Variants in TJP1 observed in about 807,000 individuals in gnomAD.
TJP1 encodes tight junction protein 1.
A neutral mutation model predicts 194.2 loss-of-function variants in TJP1; 43 were observed. The observed-to-expected ratio is 0.22, with a 90% CI of 0.17 to 0.29. The LOEUF (loss-of-function observed/expected upper bound fraction) is 0.29, where lower values mean the gene tolerates loss of function less well. Among genes scored for constraint, TJP1 ranks in the 10% least tolerant of loss-of-function variants. TJP1 has a pLI of 1.00. For synonymous variants in TJP1, 801 were observed against 779.0 expected, an observed-to-expected ratio of 1.03 and a Z score of -0.47; for missense variants, 1,971 against 2,185.7, an observed-to-expected ratio of 0.90 and a Z score of 1.96.
chr15:29,705,061 A>T (rs1364570964), intron 26 of TJP1, among the ~76,000 whole-genome samples: 2 of 152,058 alleles, frequency 1.3e-5, no homozygotes, highest in East Asian at 3.9e-4. Flanking sequence ...CTCCTCTGAG[A>T]CTCCTTCATG....
At chr15:29,748,787 G>A (rs1338382684) in intron 8 of TJP1, among the ~76,000 whole-genome samples, 4 of 151,762 alleles carry the variant, frequency 2.6e-5, no homozygotes, top group Non-Finnish European at 4.4e-5. Context: ...TTGCCCAGGC[G>A]AGTCTCGAAC....
chr15:29,804,583 G>A (rs2048999535), intron 1 of TJP1, among the ~76,000 whole-genome samples: 1 of 152,130 alleles, frequency 6.6e-6, no homozygotes, highest in Non-Finnish European at 1.5e-5. Flanking sequence ...GGAAAACCAG[G>A]TAGGAGGAGT....
intron 15 of TJP1, chr15:29,728,436 G>A (rs2043382143): frequency 6.0e-6 from 1 of 166,748 alleles, no homozygotes; most frequent in African/African-American, 2.4e-5. Context: ...ACTGGCTTAA[G>A]AGGTCAATAC....
At position 29,718,354 on chromosome 15, in the gene TJP1, G is replaced by A; in HGVS notation, c.3788C>T (p.Ser1263Phe). Residue 1263 changes from serine to phenylalanine, a missense_variant, in exon 21 of 28, where the codon TCT becomes TTT. This residue lies in a region of TJP1 where 1,108 missense variants were observed against 1,128.5 expected (regional missense o/e 0.98). Coordinates refer to ENST00000614355, the MANE Select transcript of TJP1 (RefSeq NM_001330239.4). ...EEEDPAMKPQ[S>F]VLTRVKMFEN... ...AAACATCTTAACTCTGGTGAGTACA[G>A]ACTGTGGCTTCATTGCTGGATCTTC... 2.5e-6 allele frequency: 4 copies of A among 1,614,132 alleles called. No homozygotes were observed. Among genetic ancestry groups the A allele is most frequent in the Non-Finnish European group, 3.4e-6 (4 of 1,180,024 alleles).
intron 23 of TJP1, 98 bp from the exon 24 acceptor site, chr15:29,711,098 ACT>A: frequency 1.5e-6 from 2 of 1,351,966 alleles, no homozygotes; most frequent in Non-Finnish European, 2.0e-6. Context: ...AAAAAAAAAA[ACT>A]AGAAATTTCA....
chr15:29,845,495 A>C (rs1004752793), intron 2 of TJP1, among the ~76,000 whole-genome samples: 3 of 152,206 alleles, frequency 2.0e-5, no homozygotes, highest in Admixed American at 6.5e-5. Flanking sequence ...TAAAGAAGAC[A>C]AATGTCAATT....
At chr15:29,828,283 T>C (rs1187489137) in intron 2 of TJP1, among the ~76,000 whole-genome samples, 1 of 152,188 alleles carries the variant, frequency 6.6e-6, no homozygotes, top group Non-Finnish European at 1.5e-5. Flanking sequence ...GGAGATTATA[T>C]CAAATAATGA....
chr15:29,800,607 T>C (rs775892420), intron 2 of TJP1, 39 bp downstream of exon 2: 2 of 1,602,882 alleles, frequency 1.2e-6, no homozygotes, highest in South Asian at 2.2e-5. Flanking sequence ...GCCAGTATCC[T>C]GAGTTATACA....
upstream of TJP1, among the ~76,000 whole-genome samples, chr15:29,826,183 G>A (rs2050669888): frequency 6.7e-6 from 1 of 149,938 alleles, no homozygotes; most frequent in East Asian, 2.0e-4. Context: ...TAAAAAACAA[G>A]TCTTTTTAAA....
rs1303453505 is a variant in TJP1 at position 29,808,096 on chromosome 15, C to T, written c.28-7394G>A. Among the ~76,000 whole-genome samples, 6 of 152,098 alleles carry T rather than the reference C, an allele frequency of 3.9e-5. No individual in the cohort carries two copies. In the East Asian group the frequency reaches 9.7e-4, roughly 25 times the overall value. On this transcript the variant is annotated intron_variant, in intron 1 of 27. Transcript: ENST00000614355. Reference sequence around the variant, plus strand: ...CAGCCTGGCCAACCTGGTGAAACCCCGTCTCTACTAAAAATACAAAAATTA... The same window carrying T: ...CAGCCTGGCCAACCTGGTGAAACCCTGTCTCTACTAAAAATACAAAAATTA...
intron 18 of TJP1, 28 bp downstream of exon 18, chr15:29,726,351 G>C: frequency 6.3e-7 from 1 of 1,579,778 alleles, no homozygotes; most frequent in Non-Finnish European, 8.7e-7. Context: ...TACTGAACAA[G>C]TCAAAAAAGT....
rs776222948 is a variant in TJP1 at position 29,710,941 on chromosome 15, G to A, written c.4262C>T (p.Pro1421Leu). 1.2e-6 allele frequency: 2 copies of A among 1,614,124 alleles called. No individual in the cohort carries two copies. Among genetic ancestry groups the A allele is most frequent in the South Asian group, 1.1e-5 (1 of 91,068 alleles). Residue 1421 changes from proline to leucine, a missense_variant, in exon 24 of 28, where the codon CCC becomes CTC. Pro to Leu is a moderately conservative substitution (Grantham distance 98). This residue lies in a region of TJP1 where 1,108 missense variants were observed against 1,128.5 expected (regional missense o/e 0.98). Coordinates refer to ENST00000614355, the MANE Select transcript of TJP1 (RefSeq NM_001330239.4). ...DRSFGEKRYE[P>L]IQATPPPPPL... is the part of the protein sequence containing the mutation. ...AGGAGGAGGGGGAGTGGCCTGGATGGGTTCATAGCGTTTCTCGCCAAATGA... is the reference window on the plus strand; with the variant it reads ...AGGAGGAGGGGGAGTGGCCTGGATGAGTTCATAGCGTTTCTCGCCAAATGA...
intron 11 of TJP1, among the ~76,000 whole-genome samples, chr15:29,734,815 CTTTAT>C (rs2043918675): frequency 1.3e-5 from 2 of 151,966 alleles, no homozygotes; most frequent in East Asian, 3.9e-4. Context: ...AGACCAAAAA[CTTTAT>C]TTTACTTTGG....
At chr15:29,914,015 C>T (rs1210088761) in intron 2 of TJP1, among the ~76,000 whole-genome samples, 1 of 152,158 alleles carries the variant, frequency 6.6e-6, no homozygotes, top group Admixed American at 6.5e-5. Context: ...TTTCCACATT[C>T]TCATGGCATT....
intron 1 of TJP1, among the ~76,000 whole-genome samples, chr15:29,817,081 G>A (rs1023153737): frequency 2.0e-5 from 3 of 152,134 alleles, no homozygotes; most frequent in Non-Finnish European, 4.4e-5. Context: ...CTAATATCCA[G>A]AATCCACATG....
chr15:29,753,483 C>CAAAA (rs34221786), intron 8 of TJP1, among the ~76,000 whole-genome samples: 3 of 47,932 alleles, frequency 6.3e-5, no homozygotes, highest in South Asian at 8.0e-4. Flanking sequence ...GACTCTGTGT[C>CAAAA]AAAAAAAAAA....
chr15:29,721,279 A>T (rs1408484988), intron 18 of TJP1, among the ~76,000 whole-genome samples: 1 of 152,114 alleles, frequency 6.6e-6, no homozygotes, highest in Non-Finnish European at 1.5e-5. Flanking sequence ...AGGTGACTGG[A>T]TCATGGGGGT....
chr15:29,857,147 A>T (rs185301757), intron 2 of TJP1, among the ~76,000 whole-genome samples: 31 of 152,276 alleles, frequency 2.0e-4, no homozygotes, highest in Non-Finnish European at 7.4e-5. Flanking sequence ...TACTATAAGA[A>T]AATAAAGAAT....
chr15:29,865,529 A>C (rs1414211695), intron 2 of TJP1, among the ~76,000 whole-genome samples: 2 of 152,314 alleles, frequency 1.3e-5, no homozygotes, highest in African/African-American at 2.4e-5. Flanking sequence ...CAAGTTCCGA[A>C]GAAGTGCATT....
Sources: gnomAD v4.1 joint callset for allele counts (sites outside exome capture counted in the v4.1 genomes callset) on GRCh38, gnomAD v4.1.1 for gene constraint, gnomAD v4.1.1 regional missense constraint, MANE v1.5 for transcripts, NCBI Gene and HGNC (gene_info 2026-07-23, HGNC 2026-07-21) for gene names.